GRIK2: variants seen among roughly 807,000 people sequenced by gnomAD.
GRIK2 encodes glutamate receptor ionotropic, kainate 2.
A neutral mutation model predicts 100.3 loss-of-function variants in GRIK2; 32 were observed. That is an observed-to-expected ratio of 0.32 (90% confidence interval 0.24 to 0.43). The LOEUF (loss-of-function observed/expected upper bound fraction) is 0.43. Ranked by LOEUF, GRIK2 falls within the 20% of genes least tolerant of loss-of-function variation. The pLI, the probability that GRIK2 is intolerant of heterozygous loss-of-function variation, is 1.00. For synonymous variants in GRIK2, 417 were observed against 389.4 expected, an observed-to-expected ratio of 1.07 and a Z score of -0.83; for missense variants, 843 against 1,114.9, an observed-to-expected ratio of 0.76 and a Z score of 3.47.
chr6:102,045,018 G>A (rs1366567783), intron 15 of GRIK2, among the ~76,000 whole-genome samples: 2 of 151,908 alleles, frequency 1.3e-5, no homozygotes, highest in Non-Finnish European at 2.9e-5. Flanking sequence ...CCATTAAGAT[G>A]ATAATATGAG....
chr6:101,409,855 A>G (rs1386941654), intron 2 of GRIK2, among the ~76,000 whole-genome samples: 1 of 152,032 alleles, frequency 6.6e-6, no homozygotes, highest in Non-Finnish European at 1.5e-5. Flanking sequence ...ATTTATTATC[A>G]CTCATGAATA....
chr6:101,973,646 T>G (rs1277235742), intron 14 of GRIK2, among the ~76,000 whole-genome samples: 3 of 151,960 alleles, frequency 2.0e-5, no homozygotes, highest in Admixed American at 6.6e-5. Flanking sequence ...TATTAAATGA[T>G]AATTTTAAAG....
intron 4 of GRIK2, among the ~76,000 whole-genome samples, chr6:101,655,607 C>G (rs1197559857): frequency 6.6e-6 from 1 of 152,082 alleles, no homozygotes; most frequent in Non-Finnish European, 1.5e-5. Context: ...CTCAAAAATC[C>G]TGAGTTGCAT....
intron 4 of GRIK2, among the ~76,000 whole-genome samples, chr6:101,669,326 AACCAC>A: frequency 6.6e-6 from 1 of 152,214 alleles, no homozygotes; most frequent in Non-Finnish European, 1.5e-5. Context: ...TATTTATATT[AACCAC>A]ATTTTCAGCA....
chr6:101,946,357 C>T (rs946786248), intron 14 of GRIK2, among the ~76,000 whole-genome samples: 1 of 151,734 alleles, frequency 6.6e-6, no homozygotes, highest in Non-Finnish European at 1.5e-5. Flanking sequence ...GCAACAACCC[C>T]CATCTTTACA....
At chr6:101,983,622 T>G (rs2128490055) in intron 14 of GRIK2, among the ~76,000 whole-genome samples, 1 of 151,912 alleles carries the variant, frequency 6.6e-6, no homozygotes, top group Non-Finnish European at 1.5e-5. Flanking sequence ...ATGATAAAAA[T>G]ATATTTTAAT....
At chr6:101,639,276 TGC>T (rs1781172235) in intron 4 of GRIK2, among the ~76,000 whole-genome samples, 1 of 152,096 alleles carries the variant, frequency 6.6e-6, no homozygotes, top group Non-Finnish European at 1.5e-5. Context: ...TCAAGTGATC[TGC>T]CCTCCTCGGC....
At chr6:101,929,875 T>A (rs1031244338) in intron 14 of GRIK2, among the ~76,000 whole-genome samples, 4 of 152,178 alleles carry the variant, frequency 2.6e-5, no homozygotes, top group African/African-American at 9.6e-5. Flanking sequence ...GGAAAATCAC[T>A]GTTATTTAAT....
chr6:101,463,848 A>AT (rs397812779), intron 2 of GRIK2, among the ~76,000 whole-genome samples: 1 of 151,700 alleles, frequency 6.6e-6, no homozygotes, highest in Non-Finnish European at 1.5e-5. Flanking sequence ...AAAAAAAAAA[A>AT]TTTCACTTTG....
intron 10 of GRIK2, among the ~76,000 whole-genome samples, chr6:101,838,806 C>G (rs1783313820): frequency 6.6e-6 from 1 of 151,942 alleles, no homozygotes. Flanking sequence ...TGCCCACCAC[C>G]ACGCCTGGCT....
intron 10 of GRIK2, among the ~76,000 whole-genome samples, chr6:101,831,835 C>A (rs906912300): frequency 2.0e-5 from 3 of 151,752 alleles, no homozygotes; most frequent in Non-Finnish European, 4.4e-5. Context: ...AATATATGAC[C>A]CCTTTCCAAT....
At chr6:101,444,910 T>A (rs929922393) in intron 2 of GRIK2, among the ~76,000 whole-genome samples, 1 of 152,170 alleles carries the variant, frequency 6.6e-6, no homozygotes, top group African/African-American at 2.4e-5. Flanking sequence ...ATCTGCTATA[T>A]ATTAATTTCC....
intron 14 of GRIK2, among the ~76,000 whole-genome samples, chr6:102,018,176 CT>C (rs1367925054): frequency 2.0e-5 from 3 of 152,132 alleles, no homozygotes; most frequent in Middle Eastern, 3.4e-3. Context: ...GGGAGGGTAA[CT>C]TTTTTCCAGT....
At chr6:101,442,488 C>T (rs747595992) in intron 2 of GRIK2, among the ~76,000 whole-genome samples, 1 of 152,092 alleles carries the variant, frequency 6.6e-6, no homozygotes, top group Non-Finnish European at 1.5e-5. Context: ...TTGGCTGTCT[C>T]CGAACCTTAA....
At chr6:101,634,963 TTTA>T (rs1251850795) in intron 4 of GRIK2, among the ~76,000 whole-genome samples, 4 of 151,884 alleles carry the variant, frequency 2.6e-5, no homozygotes, top group Non-Finnish European at 5.9e-5. Flanking sequence ...GAAAACTCAT[TTTA>T]TTTTATCTTG....
chr6:101,466,646 C>T (rs924798592), intron 2 of GRIK2, among the ~76,000 whole-genome samples: 3 of 150,342 alleles, frequency 2.0e-5, no homozygotes, highest in East Asian at 1.9e-4. Context: ...TAGCATATAT[C>T]GTCTTTCATT....
At chr6:102,032,175 G>A (rs1770034759) in intron 14 of GRIK2, among the ~76,000 whole-genome samples, 1 of 151,206 alleles carries the variant, frequency 6.6e-6, no homozygotes, top group South Asian at 2.1e-4. Context: ...CTGAAGTTAG[G>A]TTTCTACCTT....
intron 14 of GRIK2, among the ~76,000 whole-genome samples, chr6:101,971,396 G>A (rs1793042990): frequency 6.6e-6 from 1 of 151,900 alleles, no homozygotes; most frequent in African/African-American, 2.4e-5. Flanking sequence ...GCAGTATTAT[G>A]TTTCCATATA....
Position 101,730,574 on chromosome 6 carries a change from C to T in GRIK2, c.951+44221C>T, listed in dbSNP as rs1364495417. ...AAAAGTTATAAAATCATTGTTATTA[C>T]TGCTGTATAATAATTGATACATACT... is the stretch of plus-strand genomic sequence containing the variant. On this transcript the variant is annotated intron_variant, in intron 7 of 16. Transcript: ENST00000369134. 2.6e-5 allele frequency among the ~76,000 whole-genome samples: 4 copies of T among 151,962 alleles called. No individual in the cohort carries two copies. The East Asian group carries it at 5.8e-4, about 22-fold the overall frequency.
Sources: allele counts gnomAD v4.1 joint callset (sites outside exome capture counted in the v4.1 genomes callset), GRCh38; gene constraint gnomAD v4.1.1; transcripts MANE v1.5; gene names NCBI Gene and HGNC (gene_info 2026-07-23, HGNC 2026-07-21).